COMMD1: variants seen among roughly 807,000 people sequenced by gnomAD.
COMMD1 encodes copper metabolism domain containing 1, also known as COMM domain-containing protein 1.
In COMMD1, 10 loss-of-function variants were observed where a neutral mutation model predicts 17.2. That is an observed-to-expected ratio of 0.58 (90% CI 0.36 to 0.99). The LOEUF (loss-of-function observed/expected upper bound fraction) is 0.99, where lower values mean the gene tolerates loss of function less well. Ranked by LOEUF, COMMD1 falls within the 50% of genes least tolerant of loss-of-function variation. COMMD1 has a pLI of 0.01. For synonymous variants in COMMD1, 97 were observed against 91.6 expected, an observed-to-expected ratio of 1.06 and a Z score of -0.34; for missense variants, 270 against 231.8, an observed-to-expected ratio of 1.17 and a Z score of -1.07.
chr2:62,041,958 A>G (rs1429936823), intron 2 of COMMD1, among the ~76,000 whole-genome samples: 2 of 152,230 alleles, frequency 1.3e-5, no homozygotes, highest in African/African-American at 4.8e-5. Flanking sequence ...ACTGTGGAAG[A>G]GGACCTCAGC....
chr2:62,111,848 T>G (rs953138488), intron 2 of COMMD1, among the ~76,000 whole-genome samples: 1 of 152,194 alleles, frequency 6.6e-6, no homozygotes, highest in African/African-American at 2.4e-5. Context: ...ATCAATACTT[T>G]CAAGTCCCTT....
chr2:61,987,572 A>C (rs1672138373), intron 1 of COMMD1, among the ~76,000 whole-genome samples: 1 of 152,168 alleles, frequency 6.6e-6, no homozygotes, highest in South Asian at 2.1e-4. Context: ...CCTGGAGCTG[A>C]GGGACGGGTG....
intron 2 of COMMD1, among the ~76,000 whole-genome samples, chr2:62,001,643 A>G (rs1573053053): frequency 6.6e-6 from 1 of 152,338 alleles, no homozygotes; most frequent in South Asian, 2.1e-4. Flanking sequence ...AAAAAAAGAA[A>G]CTGGTAATTA....
chr2:62,080,127 C>T (rs1358083571), intron 2 of COMMD1, among the ~76,000 whole-genome samples: 2 of 151,978 alleles, frequency 1.3e-5, no homozygotes, highest in South Asian at 2.1e-4. Flanking sequence ...AATATGCTTC[C>T]GAAGAATGTC....
At chr2:62,019,682 T>A (rs1370086176) in intron 2 of COMMD1, among the ~76,000 whole-genome samples, 1 of 152,198 alleles carries the variant, frequency 6.6e-6, no homozygotes, top group Non-Finnish European at 1.5e-5. Context: ...TGTCACACCA[T>A]GTTAGGCGAT....
At chr2:61,959,748 C>G (rs147395693) in intron 1 of COMMD1, among the ~76,000 whole-genome samples, 90 of 152,228 alleles carry the variant, frequency 5.9e-4, no homozygotes, top group African/African-American at 2.0e-3. Flanking sequence ...GAATTAACGC[C>G]GTGACAAATG....
At chr2:62,036,638 G>A (rs921978315) in intron 2 of COMMD1, among the ~76,000 whole-genome samples, 2 of 152,170 alleles carry the variant, frequency 1.3e-5, no homozygotes, top group African/African-American at 4.8e-5. Context: ...GTTTGTTGTT[G>A]TTGTTTCCTG....
At chr2:62,127,730 A>T (rs1672921918) in intron 2 of COMMD1, among the ~76,000 whole-genome samples, 1 of 152,188 alleles carries the variant, frequency 6.6e-6, no homozygotes, top group Non-Finnish European at 1.5e-5. Context: ...TTAACTCAAG[A>T]TGAGGCCAGG....
At chr2:62,032,409 G>A (rs145107398) in intron 2 of COMMD1, among the ~76,000 whole-genome samples, 1 of 152,136 alleles carries the variant, frequency 6.6e-6, no homozygotes, top group African/African-American at 2.4e-5. Context: ...GGTGGCATGC[G>A]CCTGTAATCC....
intron 1 of COMMD1, among the ~76,000 whole-genome samples, chr2:61,979,735 T>C (rs1466423561): frequency 1.3e-5 from 2 of 149,510 alleles, no homozygotes; most frequent in Non-Finnish European, 3.0e-5. Flanking sequence ...GCCTGTCTTT[T>C]GGATATAAGT....
At chr2:62,078,880 A>C (rs1017258448) in intron 2 of COMMD1, among the ~76,000 whole-genome samples, 2 of 148,050 alleles carry the variant, frequency 1.4e-5, no homozygotes, top group Admixed American at 6.8e-5. Context: ...CCATCTCAGA[A>C]AAAAAAAAAA....
At chr2:61,957,674 G>C (rs1671233640) in intron 1 of COMMD1, among the ~76,000 whole-genome samples, 1 of 152,142 alleles carries the variant, frequency 6.6e-6, no homozygotes, top group Non-Finnish European at 1.5e-5. Context: ...AAAGGAAAAG[G>C]ACATGCCACC....
At chr2:62,042,377 C>A (rs1048985905) in intron 2 of COMMD1, among the ~76,000 whole-genome samples, 2 of 152,232 alleles carry the variant, frequency 1.3e-5, no homozygotes, top group Non-Finnish European at 2.9e-5. Flanking sequence ...AAAAGTTCTC[C>A]AAGTCCCTAC....
At chr2:61,991,872 A>G in intron 1 of COMMD1, among the ~76,000 whole-genome samples, 1 of 152,186 alleles carries the variant, frequency 6.6e-6, no homozygotes, top group East Asian at 1.9e-4. Flanking sequence ...GTGATTCTCA[A>G]ACATATCCAG....
intron 1 of COMMD1, among the ~76,000 whole-genome samples, chr2:61,898,972 G>A (rs868689455): frequency 6.6e-6 from 1 of 152,132 alleles, no homozygotes; most frequent in Non-Finnish European, 1.5e-5. Context: ...CTGCTACCAA[G>A]TTTCAACAGT....
At chr2:62,029,305 T>G (rs563602437) in intron 2 of COMMD1, among the ~76,000 whole-genome samples, 14 of 152,308 alleles carry the variant, frequency 9.2e-5, no homozygotes, top group African/African-American at 2.9e-4. Context: ...TTCACAAATT[T>G]AGATAAATCT....
In COMMD1 at chr2:62,010,297, CT is replaced by C. The variant is rs927522277; in HGVS notation, c.462+9325del. Among the ~76,000 whole-genome samples the C allele has an allele frequency of 3.4e-4, 51 of 149,502 alleles. 2 individuals carry two copies. The highest frequency in any genetic ancestry group is 1.7e-3 in the Admixed American group (25 of 14,930). On this transcript the variant is annotated intron_variant, in intron 2 of 2. Coordinates refer to ENST00000311832, the MANE Select transcript of COMMD1 (RefSeq NM_152516.4). ...TGATTTTCCTGCTAGCCTTCTAGCT[CT>C]TTTTTTTTTCTTTTAAAATCTCTTT...
At chr2:62,054,263 G>C (rs1479920471) in intron 2 of COMMD1, among the ~76,000 whole-genome samples, 1 of 152,116 alleles carries the variant, frequency 6.6e-6, no homozygotes, top group Non-Finnish European at 1.5e-5. Context: ...CACATCCTTG[G>C]AGATAATGCC....
chr2:62,024,462 A>G (rs551165310), intron 2 of COMMD1, among the ~76,000 whole-genome samples: 2 of 152,350 alleles, frequency 1.3e-5, no homozygotes, highest in South Asian at 2.1e-4. Flanking sequence ...AGTATACTAT[A>G]TATACATCCT....
Sources: allele counts gnomAD v4.1 joint callset (sites outside exome capture counted in the v4.1 genomes callset), GRCh38; gene constraint gnomAD v4.1.1; transcripts MANE v1.5; gene names NCBI Gene and HGNC (gene_info 2026-07-23, HGNC 2026-07-21).